SLC15A1: variants seen among roughly 807,000 people sequenced by gnomAD.
SLC15A1 encodes the protein Caco-2 oligopeptide transporter.
Under a neutral mutation model 92.9 loss-of-function variants are expected in SLC15A1, and 83 were observed. That is an observed-to-expected ratio of 0.89 (90% CI 0.75 to 1.07). The LOEUF (loss-of-function observed/expected upper bound fraction) is 1.07. Among genes scored for constraint, SLC15A1 ranks in the 50% least tolerant of loss-of-function variants. The pLI is 0.00. For missense variants in SLC15A1, 857 were observed against 880.1 expected (o/e 0.97, Z 0.33); for synonymous variants, 322 against 318.2 (o/e 1.01, Z -0.13).
intron 1 of SLC15A1, among the ~76,000 whole-genome samples, chr13:98,739,808 A>G (rs905561406): frequency 1.3e-5 from 2 of 152,242 alleles, no homozygotes; most frequent in Non-Finnish European, 2.9e-5. Flanking sequence ...AGTTAATAAG[A>G]TTGAATCTAC....
chr13:98,740,561 C>A (rs994621308), intron 1 of SLC15A1, among the ~76,000 whole-genome samples: 1 of 152,146 alleles, frequency 6.6e-6, no homozygotes, highest in Admixed American at 6.5e-5. Context: ...TCTGCCTCCT[C>A]GGCTTCCCAA....
chr13:98,741,563 C>T (rs2088446985), intron 1 of SLC15A1, among the ~76,000 whole-genome samples: 1 of 151,980 alleles, frequency 6.6e-6, no homozygotes, highest in South Asian at 2.1e-4. Flanking sequence ...TGGTGAGAGC[C>T]CGTCTCTACT....
chr13:98,726,797 A>G (rs1365799582), intron 2 of SLC15A1, 46 bp downstream of exon 2: 1 of 1,591,834 alleles, frequency 6.3e-7, no homozygotes, highest in Admixed American at 1.7e-5. Flanking sequence ...ACAGATGATA[A>G]AATTTACAAG....
Position 98,724,021 on chromosome 13 carries a change from A to C in SLC15A1, c.256T>G (p.Ser86Ala), listed in dbSNP as rs2088279938. 3 of 1,614,124 alleles carry C rather than the reference A, an allele frequency of 1.9e-6. No homozygotes were observed. The highest frequency in any genetic ancestry group is 2.5e-6 in the Non-Finnish European group (3 of 1,180,008). ...CCAATTGTGTAGACAATGGAGAGCG[A>C]CACAATGGTCCTGTGTTTCCAAAGA... is the stretch of plus-strand genomic sequence containing the variant. ...SWLGKFKTIV[S>A]LSIVYTIGQA... Residue 86 changes from serine (S) to alanine (A), a missense_variant, in exon 5 of 23, where the codon TCG becomes GCG. By Grantham distance (99) the Ser-to-Ala change is moderately conservative. Coordinates refer to ENST00000376503, the MANE Select transcript of SLC15A1 (RefSeq NM_005073.4).
At chr13:98,752,201 A>G (rs2088552104) in intron 1 of SLC15A1, among the ~76,000 whole-genome samples, 1 of 152,228 alleles carries the variant, frequency 6.6e-6, no homozygotes, top group Admixed American at 6.5e-5. Flanking sequence ...CAGAGGCAAG[A>G]CAAGTGCAAA....
Position 98,702,481 on chromosome 13 carries a change from T to G in SLC15A1, c.1465A>C (p.Arg489=). 2 of 1,602,540 alleles carry G rather than the reference T, an allele frequency of 1.2e-6. No individual in the cohort carries two copies. Among genetic ancestry groups the G allele is most frequent in the East Asian group, 4.5e-5 (2 of 44,788 alleles). ...TAAATTTTAAAGAAATATACATACC[T>G]GATTCCATTTTCCCCTTTTTCTGGC... ...QKPEKGENGI[R]FVNTFNELIT... is the part of the protein sequence containing the mutation. Residue 489 remains arginine (R), a splice_region_variant and synonymous_variant, in exon 18 of 23, where the codon AGA becomes CGA. Coordinates refer to ENST00000376503, the MANE Select transcript of SLC15A1 (RefSeq NM_005073.4).
At chr13:98,730,096 T>C (rs1429948973) in intron 1 of SLC15A1, among the ~76,000 whole-genome samples, 1 of 151,450 alleles carries the variant, frequency 6.6e-6, no homozygotes, top group Non-Finnish European at 1.5e-5. Flanking sequence ...CTCAGGAGGC[T>C]GAGGCAGAAG....
intron 4 of SLC15A1, 135 bp from the exon 5 acceptor site, chr13:98,724,166 T>A: frequency 1.8e-6 from 2 of 1,126,486 alleles, no homozygotes; most frequent in Non-Finnish European, 2.5e-6. Context: ...CAAACTTGAG[T>A]AACACTGTTA....
intron 2 of SLC15A1, 65 bp downstream of exon 2, chr13:98,726,778 A>C: frequency 6.7e-7 from 1 of 1,491,156 alleles, no homozygotes; most frequent in Non-Finnish European, 9.4e-7. Context: ...ATGAACCCTT[A>C]GGGGTAAAAC....
intron 21 of SLC15A1, among the ~76,000 whole-genome samples, chr13:98,687,193 AC>A (rs1237416905): frequency 2.6e-5 from 4 of 152,072 alleles, no homozygotes; most frequent in African/African-American, 9.7e-5. Flanking sequence ...AGAGACCTCA[AC>A]CAAACCTATC....
In SLC15A1 at chr13:98,704,455, G is replaced by T; in HGVS notation, c.1270-20C>A. On this transcript the variant is annotated intron_variant, in intron 16 of 22. Coordinates refer to ENST00000376503, the MANE Select transcript of SLC15A1 (RefSeq NM_005073.4). The stretch of plus-strand genomic sequence containing the variant: ...ATTTGTCTATAGAGGGAGGGAAAGA[G>T]GCATAGTTAATATCACAGAGTCTCG... 2 of 1,594,896 alleles carry T rather than the reference G, an allele frequency of 1.3e-6. No homozygotes were observed. Among genetic ancestry groups the T allele is most frequent in the African/African-American group, 1.4e-5 (1 of 73,938 alleles).
chr13:98,702,437 A>C, intron 18 of SLC15A1, 43 bp downstream of exon 18: 1 of 1,358,904 alleles, frequency 7.4e-7, no homozygotes, highest in Non-Finnish European at 1.1e-6. Context: ...CATTACTTTC[A>C]TAAGAATCTG....
chr13:98,696,404 T>C (rs1426601693), intron 18 of SLC15A1, among the ~76,000 whole-genome samples: 1 of 150,908 alleles, frequency 6.6e-6, no homozygotes, highest in East Asian at 1.9e-4. Context: ...CAGAGTGAGA[T>C]TCCCTCTCAA....
In SLC15A1 at chr13:98,740,215, C is replaced by T. The variant is rs963557668; in HGVS notation, c.4+12380G>A. Reference sequence around the variant, plus strand: ...GAGTGAAGGTCCTGTCACTCCGAAGCCATGCTAGTGAGCTGATGCAGAAAC... The same window carrying T: ...GAGTGAAGGTCCTGTCACTCCGAAGTCATGCTAGTGAGCTGATGCAGAAAC... On this transcript the variant is annotated intron_variant, in intron 1 of 22. Transcript: ENST00000376503. Among the ~76,000 whole-genome samples, 27 of 152,290 alleles carry T rather than the reference C, an allele frequency of 1.8e-4. 1 individual carries two copies. Among genetic ancestry groups the T allele is most frequent in the East Asian group, 5.8e-4 (3 of 5,172 alleles).
intron 18 of SLC15A1, among the ~76,000 whole-genome samples, chr13:98,698,902 G>C (rs1305822378): frequency 6.6e-6 from 1 of 152,190 alleles, no homozygotes; most frequent in African/African-American, 2.4e-5. Context: ...GGGGACTGGA[G>C]ACTGGGGTTG....
chr13:98,694,658 G>C (rs1034317095), intron 18 of SLC15A1, among the ~76,000 whole-genome samples: 1 of 152,176 alleles, frequency 6.6e-6, no homozygotes, highest in African/African-American at 2.4e-5. Flanking sequence ...AAATGTCTTT[G>C]ACTAGAAGGA....
chr13:98,751,938 T>G (rs1373687217), intron 1 of SLC15A1, among the ~76,000 whole-genome samples: 4 of 152,208 alleles, frequency 2.6e-5, no homozygotes, highest in Non-Finnish European at 5.9e-5. Context: ...TCTGCTTCCG[T>G]TCATTCTCTC....
chr13:98,745,347 G>T (rs1356485144), intron 1 of SLC15A1, among the ~76,000 whole-genome samples: 1 of 152,210 alleles, frequency 6.6e-6, no homozygotes, highest in Non-Finnish European at 1.5e-5. Context: ...CATGGACATA[G>T]TTCAGAGAGA....
intron 7 of SLC15A1, among the ~76,000 whole-genome samples, chr13:98,720,026 G>A (rs1442097226): frequency 6.6e-6 from 1 of 152,090 alleles, no homozygotes; most frequent in Non-Finnish European, 1.5e-5. Context: ...GAGATTCCTG[G>A]AAATCCTTTC....
Sources: allele counts gnomAD v4.1 joint callset (sites outside exome capture counted in the v4.1 genomes callset), GRCh38; gene constraint gnomAD v4.1.1; transcripts MANE v1.5; gene names NCBI Gene and HGNC (gene_info 2026-07-23, HGNC 2026-07-21).